Variants in SH3KBP1 observed in about 807,000 individuals in gnomAD.
SH3KBP1 encodes SH3 domain-containing kinase-binding protein 1.
A neutral mutation model predicts 50.1 loss-of-function variants in SH3KBP1; 8 were observed. The ratio of observed to expected loss-of-function variants is 0.16; its 90% confidence interval spans 0.09 to 0.29. The LOEUF (loss-of-function observed/expected upper bound fraction) is 0.29. SH3KBP1 is among the 10% of genes least tolerant of loss of function. The pLI is 1.00. For missense variants in SH3KBP1, 377 were observed against 535.2 expected, an observed-to-expected ratio of 0.70 and a Z score of 2.92; for synonymous variants, 227 against 218.6, an observed-to-expected ratio of 1.04 and a Z score of -0.34.
intron 2 of SH3KBP1, among the ~76,000 whole-genome samples, chrX:19,792,802 C>T (rs865906869): frequency 1.5e-5 from 1 of 68,662 alleles, no homozygotes; most frequent in African/African-American, 5.5e-5. Flanking sequence ...GGGGCAGGGG[C>T]GGGACGGGCG....
chrX:19,743,787 C>G (rs1486994232), intron 3 of SH3KBP1, among the ~76,000 whole-genome samples: 3 of 112,478 alleles, frequency 2.7e-5, no homozygotes, highest in Non-Finnish European at 5.6e-5. Flanking sequence ...AAGTTCAGGA[C>G]CCAATGAAGT....
chrX:19,685,149 G>A (rs186689469), intron 5 of SH3KBP1, among the ~76,000 whole-genome samples: 3 of 111,968 alleles, frequency 2.7e-5, no homozygotes, highest in East Asian at 2.8e-4. Flanking sequence ...ATGAAAGTAC[G>A]CCATCAAATG....
At chrX:19,623,042 CAAAAAAAAAAAA>C (rs773914815) in intron 8 of SH3KBP1, among the ~76,000 whole-genome samples, 3 of 22,244 alleles carry the variant, frequency 1.3e-4, no homozygotes, top group East Asian at 1.5e-3. Context: ...CACTCTGACT[CAAAAAAAAAAAA>C]AAAAAAAAAA....
chrX:19,803,562 G>A (rs2066949000), intron 2 of SH3KBP1, among the ~76,000 whole-genome samples: 1 of 111,004 alleles, frequency 9.0e-6, no homozygotes, highest in African/African-American at 3.3e-5. Flanking sequence ...AGTCACACAC[G>A]CAACACTGGG....
chrX:19,542,088 A>T lies in SH3KBP1; in HGVS notation c.1729T>A (p.Ser577Thr), dbSNP rs1181587402. The change falls in exon 16 of 18, where the codon TCT becomes ACT. Residue 577 changes from serine to threonine, a missense_variant. Around this residue, in one of 3 missense-constraint regions of SH3KBP1, gnomAD observed 110 missense variants for 124.1 expected, o/e 0.89. Transcript: ENST00000397821. ...GCTCTGTGTCCAGCTGTTCCCAAAGAGGATGACAGGGGGGAGGGCGCCGCT... is the reference window on the plus strand; with the variant it reads ...GCTCTGTGTCCAGCTGTTCCCAAAGTGGATGACAGGGGGGAGGGCGCCGCT... ...SSAAPSPLSS[S>T]LGTAGHRANS... 3.3e-6 allele frequency: 4 copies of T among 1,210,056 alleles called. No individual in the cohort carries two copies. The highest frequency in any genetic ancestry group is 1.7e-5 in the African/African-American group (1 of 57,221).
chrX:19,874,068 A>AAAAAAAAAAAAAAAAATATATATAT (rs1491537486), intron 1 of SH3KBP1, among the ~76,000 whole-genome samples: 1 of 57,045 alleles, frequency 1.8e-5, no homozygotes, highest in African/African-American at 1.6e-4. Context: ...AAAAAAAAAA[A>AAAAAAAAAAAAAAAAATATATATAT]ATATATATAT....
chrX:19,609,680 G>A (rs781638766), intron 8 of SH3KBP1, among the ~76,000 whole-genome samples: 24 of 111,899 alleles, frequency 2.1e-4, no homozygotes, highest in Non-Finnish European at 4.0e-4. Flanking sequence ...GTAGGGCCCT[G>A]GGAGAGCCAT....
rs1363465929 is a variant in SH3KBP1 at position 19,807,175 on chromosome X, T to G, written c.162+28950A>C. 2.7e-5 allele frequency among the ~76,000 whole-genome samples: 3 copies of G among 112,403 alleles called. No individual in the cohort carries two copies. In the East Asian group the frequency reaches 8.4e-4, roughly 31 times the overall value. On this transcript the variant is annotated intron_variant, in intron 2 of 17. Coordinates refer to ENST00000397821, the MANE Select transcript of SH3KBP1 (RefSeq NM_031892.3). ...TGCAAATTCACATTCCTTTTCACCC[T>G]GTACCAGGTCCTGAAGTGGTTACAA...
At chrX:19,747,674 T>C (rs1380480662) in intron 2 of SH3KBP1, 2 of 340,514 alleles carry the variant, frequency 5.9e-6, no homozygotes, top group Admixed American at 6.2e-5. Flanking sequence ...CATATCCAAT[T>C]CCCCAGTTGC....
In SH3KBP1 at chrX:19,813,854, T is replaced by C. The variant is rs1337223350; in HGVS notation, c.162+22271A>G. ...CCATCTAAGTATTTCTCCAGTGTCTTGGAGTGGCTTAATACTGATATTAAT... is the reference window on the plus strand; with the variant it reads ...CCATCTAAGTATTTCTCCAGTGTCTCGGAGTGGCTTAATACTGATATTAAT... On this transcript the variant is annotated intron_variant, in intron 2 of 17. Transcript: ENST00000397821. 1.1e-4 allele frequency among the ~76,000 whole-genome samples: 12 copies of C among 112,315 alleles called. No individual in the cohort carries two copies. In the Admixed American group the frequency reaches 1.1e-3, roughly 11 times the overall value.
intron 6 of SH3KBP1, among the ~76,000 whole-genome samples, chrX:19,650,692 G>A (rs2148427020): frequency 8.9e-6 from 1 of 112,333 alleles, no homozygotes; most frequent in East Asian, 2.8e-4. Context: ...TTACAACACT[G>A]GTATCTGAGA....
At chrX:19,572,078 C>T (rs1462909377) in intron 12 of SH3KBP1, among the ~76,000 whole-genome samples, 1 of 110,193 alleles carries the variant, frequency 9.1e-6, no homozygotes, top group Non-Finnish European at 1.9e-5. Context: ...CAAATGTGAG[C>T]CCGTCTCCAG....
intron 2 of SH3KBP1, among the ~76,000 whole-genome samples, chrX:19,789,552 G>A (rs2066468074): frequency 9.2e-6 from 1 of 108,922 alleles, no homozygotes. Flanking sequence ...TCCTCACATG[G>A]TCTTTCCTCT....
chrX:19,582,112 G>T (rs1007904597), intron 12 of SH3KBP1, among the ~76,000 whole-genome samples: 3 of 111,939 alleles, frequency 2.7e-5, no homozygotes, highest in Admixed American at 9.5e-5. Flanking sequence ...AAAGTCAATG[G>T]ACAGTGACCT....
At chrX:19,554,414 T>TA (rs2065423167) in intron 13 of SH3KBP1, among the ~76,000 whole-genome samples, 1 of 71,393 alleles carries the variant, frequency 1.4e-5, no homozygotes, top group African/African-American at 8.4e-5. Context: ...TATTATATAT[T>TA]TTTTTGAGAC....
chrX:19,666,594 C>A (rs1041917230), intron 6 of SH3KBP1, among the ~76,000 whole-genome samples: 1 of 111,370 alleles, frequency 9.0e-6, no homozygotes, highest in African/African-American at 3.3e-5. Context: ...ATTTCCTTCC[C>A]CCTCAGTGAC....
chrX:19,827,049 CA>C (rs1165953957), intron 2 of SH3KBP1, among the ~76,000 whole-genome samples: 1 of 111,265 alleles, frequency 9.0e-6, no homozygotes, highest in African/African-American at 3.3e-5. Flanking sequence ...CCTCATGGAT[CA>C]AAAAAGAACA....
chrX:19,813,583 T>C (rs962319158), intron 2 of SH3KBP1, among the ~76,000 whole-genome samples: 22 of 111,884 alleles, frequency 2.0e-4, no homozygotes, highest in Non-Finnish European at 3.2e-4. Flanking sequence ...CCAGAACTCG[T>C]CTTGTAATTG....
At chrX:19,665,135 C>A (rs1197958643) in intron 6 of SH3KBP1, among the ~76,000 whole-genome samples, 1 of 112,137 alleles carries the variant, frequency 8.9e-6, no homozygotes, top group East Asian at 2.8e-4. Context: ...ATAAAAAGAA[C>A]AGACTGAGCA....
Sources: allele counts gnomAD v4.1 joint callset (sites outside exome capture counted in the v4.1 genomes callset), GRCh38; gene constraint gnomAD v4.1.1; regional missense constraint gnomAD v4.1.1; transcripts MANE v1.5; gene names NCBI Gene and HGNC (gene_info 2026-07-23, HGNC 2026-07-21).